Variants in ST6GALNAC5 observed in about 807,000 individuals in gnomAD.
ST6GALNAC5 encodes ST6 N-acetylgalactosaminide alpha-2,6-sialyltransferase 5, also known as alpha-N-acetylgalactosaminide alpha-2,6-sialyltransferase 5.
ST6GALNAC5 carries 27 observed loss-of-function variants against 33.6 expected under a neutral mutation model. The ratio of observed to expected loss-of-function variants is 0.80; its 90% CI spans 0.59 to 1.11. The LOEUF (loss-of-function observed/expected upper bound fraction) is 1.11, where lower values mean the gene tolerates loss of function less well. Ranked by LOEUF, ST6GALNAC5 falls within the 50% of genes least tolerant of loss-of-function variation. The probability of loss-of-function intolerance (pLI) is 0.00; values close to 1 mark genes in which losing one functional copy is unlikely to be tolerated. For missense variants in ST6GALNAC5, 428 were observed against 454.0 expected (o/e 0.94, Z 0.52); for synonymous variants, 194 against 171.2 (o/e 1.13, Z -1.04).
chr1:76,974,054 T>C (rs188594484), intron 2 of ST6GALNAC5, among the ~76,000 whole-genome samples: 8 of 152,208 alleles, frequency 5.3e-5, no homozygotes, highest in Admixed American at 5.2e-4. Context: ...AAACAACTAA[T>C]TTTATTACAC....
In ST6GALNAC5 at chr1:77,026,366, G is replaced by A. The variant is rs114456777; in HGVS notation, c.262-17838G>A. On this transcript the variant is annotated intron_variant, in intron 2 of 4. Coordinates refer to ENST00000477717, the MANE Select transcript of ST6GALNAC5 (RefSeq NM_030965.3). ...CTGTCTCCATATAAGGGCACAGCAC[G>A]GCCAATTGCATTTAAAATTGCCTTC... Among the ~76,000 whole-genome samples the A allele has an allele frequency of 9.7e-3, 1,471 of 152,248 alleles. 30 individuals are homozygous for A. Among genetic ancestry groups the A allele is most frequent in the African/African-American group, 0.034 (1,410 of 41,524 alleles).
chr1:77,010,123 C>T (rs777586000), intron 2 of ST6GALNAC5, among the ~76,000 whole-genome samples: 1 of 152,126 alleles, frequency 6.6e-6, no homozygotes, highest in Non-Finnish European at 1.5e-5. Context: ...CTTATCCAGG[C>T]CCTAACACAG....
In ST6GALNAC5 at chr1:77,022,266, A is replaced by G. The variant is rs537704290; in HGVS notation, c.262-21938A>G. On this transcript the variant is annotated intron_variant, in intron 2 of 4. Coordinates refer to ENST00000477717, the MANE Select transcript of ST6GALNAC5 (RefSeq NM_030965.3). ...TCCTAGCAAAACTGAGACCCCAAGA[A>G]ATTTATAGACACAGGATATTACCCT... Among the ~76,000 whole-genome samples, 4 of 152,326 alleles carry G rather than the reference A, an allele frequency of 2.6e-5. No individual in the cohort carries two copies. In the South Asian group the frequency reaches 8.3e-4, roughly 32 times the overall value.
intron 2 of ST6GALNAC5, among the ~76,000 whole-genome samples, chr1:77,037,405 G>A (rs1399989448): frequency 6.6e-6 from 1 of 152,192 alleles, no homozygotes; most frequent in South Asian, 2.1e-4. Context: ...CTAGAGTGGG[G>A]AAGGAGTGAT....
chr1:76,899,661 G>A (rs191243530), intron 2 of ST6GALNAC5, among the ~76,000 whole-genome samples: 27 of 152,280 alleles, frequency 1.8e-4, no homozygotes, highest in East Asian at 5.8e-4. Context: ...GACTGGTGCC[G>A]GAGTTTTGGG....
intron 2 of ST6GALNAC5, among the ~76,000 whole-genome samples, chr1:76,943,945 T>C (rs937555896): frequency 2.2e-4 from 33 of 152,140 alleles, no homozygotes; most frequent in African/African-American, 8.0e-4. Context: ...TGTTGCATTA[T>C]TTAACCAATG....
At position 76,899,632 on chromosome 1, in the gene ST6GALNAC5, G is replaced by A. The variant is rs575536401; in HGVS notation, c.261+30890G>A. Among the ~76,000 whole-genome samples the A allele has an allele frequency of 1.4e-3, 220 of 152,296 alleles. 1 individual carries two copies. Among genetic ancestry groups the A allele is most frequent in the African/African-American group, 5.0e-3 (209 of 41,556 alleles). On this transcript the variant is annotated intron_variant, in intron 2 of 4. Coordinates refer to ENST00000477717, the MANE Select transcript of ST6GALNAC5 (RefSeq NM_030965.3). Reference sequence around the variant, plus strand: ...TGCAATGATTAAACACCAAGGGACGGCTGCCTTCCCTAGTCCGTGACTGGT... The same window carrying A: ...TGCAATGATTAAACACCAAGGGACGACTGCCTTCCCTAGTCCGTGACTGGT...
At chr1:77,042,902 G>T (rs12731718) in intron 2 of ST6GALNAC5, among the ~76,000 whole-genome samples, 23,474 of 152,094 alleles carry the variant, frequency 0.15, 2,189 homozygotes, top group South Asian at 0.34. Flanking sequence ...GCTAGTAGGT[G>T]GTGGAAGCAA....
intron 2 of ST6GALNAC5, among the ~76,000 whole-genome samples, chr1:76,943,961 G>T (rs1001448002): frequency 2.0e-5 from 3 of 152,074 alleles, no homozygotes; most frequent in African/African-American, 7.2e-5. Context: ...CAATGTTGGG[G>T]TGTGGGTTTG....
At chr1:76,905,764 G>A (rs1646858618) in intron 2 of ST6GALNAC5, among the ~76,000 whole-genome samples, 3 of 152,158 alleles carry the variant, frequency 2.0e-5, no homozygotes. Context: ...TTTGCAAATA[G>A]GGTTCCATGT....
chr1:77,052,518 C>CAGTATTCAGT (rs200080582), intron 4 of ST6GALNAC5, among the ~76,000 whole-genome samples: 4,638 of 152,138 alleles, frequency 0.03, 174 homozygotes, highest in Admixed American at 0.11. Context: ...CAGTTCCTAG[C>CAGTATTCAGT]ACACAGTATT....
intron 2 of ST6GALNAC5, among the ~76,000 whole-genome samples, chr1:76,939,219 C>T (rs1647267552): frequency 6.6e-6 from 1 of 152,066 alleles, no homozygotes; most frequent in African/African-American, 2.4e-5. Context: ...CTTCCCACTT[C>T]TCTTCTGTTA....
chr1:76,915,349 A>G (rs1646959429), intron 2 of ST6GALNAC5, among the ~76,000 whole-genome samples: 1 of 152,062 alleles, frequency 6.6e-6, no homozygotes, highest in Non-Finnish European at 1.5e-5. Flanking sequence ...CTGGGTATAT[A>G]CCCAAAGGAC....
At chr1:76,920,076 T>C (rs894523268) in intron 2 of ST6GALNAC5, among the ~76,000 whole-genome samples, 1 of 152,206 alleles carries the variant, frequency 6.6e-6, no homozygotes, top group Non-Finnish European at 1.5e-5. Flanking sequence ...GTTATATTCA[T>C]CTTTCTGGTG....
At chr1:76,911,116 C>A (rs936137815) in intron 2 of ST6GALNAC5, among the ~76,000 whole-genome samples, 1 of 152,114 alleles carries the variant, frequency 6.6e-6, no homozygotes, top group Non-Finnish European at 1.5e-5. Context: ...TAAAACTTCC[C>A]ATCAATACCT....
intron 2 of ST6GALNAC5, among the ~76,000 whole-genome samples, chr1:76,972,517 CT>C (rs1648803673): frequency 6.6e-6 from 1 of 152,080 alleles, no homozygotes; most frequent in African/African-American, 2.4e-5. Flanking sequence ...ATAGAAAAAT[CT>C]TTATTTTTTC....
Position 77,044,425 on chromosome 1 carries a change from C to A in ST6GALNAC5, c.483C>A (p.Asn161Lys). Residue 161 changes from asparagine to lysine, a missense_variant, in exon 3 of 5, where the codon AAC (asparagine) becomes AAA (lysine). Asn to Lys is a moderately conservative substitution (Grantham distance 94, BLOSUM62 0). Coordinates refer to ENST00000477717, the MANE Select transcript of ST6GALNAC5 (RefSeq NM_030965.3). ...RILRNRHDLL[N>K]VSQGTVFIFW... ...TCCGCAACCGCCATGACCTGCTCAA[C>A]GTGAGCCAGGGCACCGTGTTCATCT... 6.2e-7 allele frequency: 1 copy of A among 1,613,300 alleles called. No homozygotes were observed. Among genetic ancestry groups the A allele is most frequent in the Non-Finnish European group, 8.5e-7 (1 of 1,179,544 alleles).
At position 76,978,807 on chromosome 1, in the gene ST6GALNAC5, C is replaced by T. The variant is rs149022953; in HGVS notation, c.262-65397C>T. Among the ~76,000 whole-genome samples, 301 of 152,050 alleles carry T rather than the reference C, an allele frequency of 2.0e-3. 2 individuals carry two copies. The highest frequency in any genetic ancestry group is 6.9e-3 in the African/African-American group (288 of 41,488). ...TTAGGCAAGAGAGAGAAATAATGGA[C>T]ATCCAAATCTGAAAGGAGGAAGCCA... On this transcript the variant is annotated intron_variant, in intron 2 of 4. Transcript: ENST00000477717.
intron 2 of ST6GALNAC5, among the ~76,000 whole-genome samples, chr1:76,932,950 G>A (rs1228436015): frequency 6.6e-6 from 1 of 152,018 alleles, no homozygotes; most frequent in South Asian, 2.1e-4. Context: ...CTTCCTGTTG[G>A]AAATATATTT....
Sources: allele counts gnomAD v4.1 joint callset (sites outside exome capture counted in the v4.1 genomes callset), GRCh38; gene constraint gnomAD v4.1.1; transcripts MANE v1.5; gene names NCBI Gene and HGNC (gene_info 2026-07-23, HGNC 2026-07-21).